PEPD: variants seen among roughly 807,000 people sequenced by gnomAD.
The protein encoded by PEPD is peptidase D.
In PEPD, 53 loss-of-function variants were observed where a neutral mutation model predicts 60.7. The observed-to-expected ratio is 0.87, with a 90% confidence interval of 0.70 to 1.10. The LOEUF (loss-of-function observed/expected upper bound fraction) is 1.10. Among genes scored for constraint, PEPD ranks in the 50% least tolerant of loss-of-function variants. The pLI, the probability that PEPD is intolerant of heterozygous loss-of-function variation, is 0.00. For synonymous variants in PEPD, 267 were observed against 284.1 expected, an observed-to-expected ratio of 0.94 and a Z score of 0.60; for missense variants, 711 against 711.9, an observed-to-expected ratio of 1.00 and a Z score of 0.01.
chr19:33,423,864 G>A (rs183066881), intron 9 of PEPD, among the ~76,000 whole-genome samples: 12 of 152,114 alleles, frequency 7.9e-5, no homozygotes, highest in Admixed American at 4.6e-4. Flanking sequence ...TTAAGAAGTC[G>A]TTCCCTACCC....
chr19:33,499,954 C>A (rs1281377633), intron 4 of PEPD, among the ~76,000 whole-genome samples: 1 of 152,256 alleles, frequency 6.6e-6, no homozygotes, highest in Non-Finnish European at 1.5e-5. Flanking sequence ...CCGTCATCTT[C>A]AACCAGGCTG....
chr19:33,501,931 T>TTGAA (rs1302068402), intron 3 of PEPD, among the ~76,000 whole-genome samples: 2 of 152,120 alleles, frequency 1.3e-5, no homozygotes, highest in East Asian at 3.9e-4. Flanking sequence ...AAACTCAAGC[T>TTGAA]TATTCATTAC....
chr19:33,458,698 GTGTGGTA>G (rs1295591892), intron 9 of PEPD, among the ~76,000 whole-genome samples: 1 of 146,362 alleles, frequency 6.8e-6, no homozygotes, highest in African/African-American at 2.5e-5. Flanking sequence ...GGTGTGTGGT[GTGTGGTA>G]TGTGGCATGT....
At chr19:33,490,883 G>A (rs762981289) in intron 5 of PEPD, among the ~76,000 whole-genome samples, 13 of 151,852 alleles carry the variant, frequency 8.6e-5, no homozygotes, top group South Asian at 6.2e-4. Flanking sequence ...GGCTTGTCTC[G>A]AACTCTTGAC....
At chr19:33,477,501 A>G (rs944383702) in intron 7 of PEPD, among the ~76,000 whole-genome samples, 2 of 152,222 alleles carry the variant, frequency 1.3e-5, no homozygotes, top group Non-Finnish European at 2.9e-5. Context: ...AACTGGTGGC[A>G]CACTGGGATG....
chr19:33,391,634 G>C (rs1465037677), intron 12 of PEPD, among the ~76,000 whole-genome samples, 155 bp from the exon 13 acceptor site: 1 of 152,142 alleles, frequency 6.6e-6, no homozygotes, highest in Admixed American at 6.5e-5. Context: ...GGGCCCAGGG[G>C]GACAAGGACT....
intron 2 of PEPD, chr19:33,511,539 T>C (rs1970927257): frequency 8.8e-6 from 3 of 341,242 alleles, no homozygotes; most frequent in South Asian, 4.7e-5. Context: ...AGGCCGGATA[T>C]CTGCACAGAA....
In PEPD at chr19:33,475,962, C is replaced by T. The variant is rs372692568; in HGVS notation, c.548+2084G>A. 9.2e-5 allele frequency among the ~76,000 whole-genome samples: 14 copies of T among 152,298 alleles called. No individual in the cohort carries two copies. The East Asian group carries it at 9.7e-4, about 11-fold the overall frequency. ...GCAGCCTCGACCTCCTGGGCTCAAG[C>T]GATCCTCCTGCCTCAGCCTCCCAAG... On this transcript the variant is annotated intron_variant, in intron 7 of 14. Transcript: ENST00000244137.
intron 9 of PEPD, among the ~76,000 whole-genome samples, chr19:33,435,636 T>C (rs2145403117): frequency 6.6e-6 from 1 of 152,330 alleles, no homozygotes; most frequent in African/African-American, 2.4e-5. Context: ...GGTGCTGCGC[T>C]TGTAAAGTGG....
intron 9 of PEPD, among the ~76,000 whole-genome samples, chr19:33,455,168 A>G (rs1969772968): frequency 6.6e-6 from 1 of 152,232 alleles, no homozygotes; most frequent in South Asian, 2.1e-4. Context: ...TAAGATAATA[A>G]TTAAGTATCA....
chr19:33,437,077 C>T (rs1041416664), intron 9 of PEPD, among the ~76,000 whole-genome samples: 4 of 152,050 alleles, frequency 2.6e-5, no homozygotes, highest in South Asian at 2.1e-4. Context: ...CCAGGGGCCA[C>T]GGGAGAAGCA....
At chr19:33,440,441 C>T (rs1969461358) in intron 9 of PEPD, among the ~76,000 whole-genome samples, 1 of 152,124 alleles carries the variant, frequency 6.6e-6, no homozygotes, top group African/African-American at 2.4e-5. Context: ...CTGGCCCCTC[C>T]ATCTCTGCTT....
intron 1 of PEPD, among the ~76,000 whole-genome samples, chr19:33,514,596 T>G (rs1436537273): frequency 6.6e-6 from 1 of 151,666 alleles, no homozygotes; most frequent in Admixed American, 6.6e-5. Flanking sequence ...CCCGACCTCC[T>G]CAGCATGCAC....
chr19:33,470,603 C>A (rs1008674809), intron 7 of PEPD, among the ~76,000 whole-genome samples: 3 of 152,144 alleles, frequency 2.0e-5, no homozygotes, highest in Admixed American at 2.0e-4. Context: ...TAATTTAAGT[C>A]TCTTCTGAAA....
intron 9 of PEPD, among the ~76,000 whole-genome samples, chr19:33,460,148 C>T (rs1219128215): frequency 6.6e-6 from 1 of 152,210 alleles, no homozygotes; most frequent in East Asian, 1.9e-4. Flanking sequence ...AAAGAATTCT[C>T]AAGTTCCCAG....
intron 9 of PEPD, among the ~76,000 whole-genome samples, chr19:33,424,137 T>A (rs1969093794): frequency 6.6e-6 from 1 of 152,178 alleles, no homozygotes; most frequent in Non-Finnish European, 1.5e-5. Flanking sequence ...TCACTGGGGC[T>A]TTCAGGGCAA....
chr19:33,409,173 C>T (rs1028079839), intron 11 of PEPD, among the ~76,000 whole-genome samples: 1 of 152,204 alleles, frequency 6.6e-6, no homozygotes, highest in African/African-American at 2.4e-5. Context: ...CATAAAGGAG[C>T]AGTCACTTCT....
At chr19:33,449,454 A>G (rs1969655430) in intron 9 of PEPD, among the ~76,000 whole-genome samples, 1 of 152,162 alleles carries the variant, frequency 6.6e-6, no homozygotes, top group Non-Finnish European at 1.5e-5. Context: ...CCATGAGGAG[A>G]GCTCACCGGA....
At chr19:33,474,798 C>A (rs1424745304) in intron 7 of PEPD, among the ~76,000 whole-genome samples, 2 of 151,920 alleles carry the variant, frequency 1.3e-5, no homozygotes, top group Admixed American at 6.6e-5. Context: ...CTGGGCAACA[C>A]AGGAGACCCC....
Sources: allele counts gnomAD v4.1 joint callset (sites outside exome capture counted in the v4.1 genomes callset), GRCh38; gene constraint gnomAD v4.1.1; transcripts MANE v1.5; gene names NCBI Gene and HGNC (gene_info 2026-07-23, HGNC 2026-07-21).